TRAPPC11: variants seen among roughly 807,000 people sequenced by gnomAD.
TRAPPC11 encodes the protein foie gras homolog.
A neutral mutation model predicts 151.2 loss-of-function variants in TRAPPC11; 104 were observed. The observed-to-expected ratio is 0.69, with a 90% CI of 0.59 to 0.81. The LOEUF (loss-of-function observed/expected upper bound fraction) is 0.81. TRAPPC11 is among the 30% of genes least tolerant of loss of function. TRAPPC11 has a pLI of 0.00. For synonymous variants in TRAPPC11, 456 were observed against 472.3 expected (o/e 0.97, Z 0.45); for missense variants, 1,230 against 1,349.6 (o/e 0.91, Z 1.39).
chr4:183,669,990 T>A (rs144853475), intron 5 of TRAPPC11, among the ~76,000 whole-genome samples: 1 of 152,242 alleles, frequency 6.6e-6, no homozygotes, highest in Admixed American at 6.5e-5. Flanking sequence ...CTCCAGCATG[T>A]GGATACAAGA....
chr4:183,680,879 G>A (rs1297626516), intron 10 of TRAPPC11, among the ~76,000 whole-genome samples: 1 of 151,736 alleles, frequency 6.6e-6, no homozygotes, highest in Non-Finnish European at 1.5e-5. Flanking sequence ...TTTTAGTAGA[G>A]ATGGGGTTTC....
Position 183,707,254 on chromosome 4 carries a change from A to ATGTG in TRAPPC11, c.3189+339_3189+342dup, listed in dbSNP as rs10576583. Among the ~76,000 whole-genome samples the ATGTG allele has an allele frequency of 0.045, 6,640 of 148,636 alleles. 182 individuals are homozygous for ATGTG. Among genetic ancestry groups the ATGTG allele is most frequent in the Non-Finnish European group, 0.049 (3,270 of 67,064 alleles). The stretch of plus-strand genomic sequence containing the variant: ...TTATTACTGATGAGTGTGTGTGTTT[A>ATGTG]TGTGTGTGTGTGTGTGTGTGTGTGT... On this transcript the variant is annotated intron_variant, in intron 28 of 29. Transcript: ENST00000334690.
intron 17 of TRAPPC11, 89 bp from the exon 18 acceptor site, chr4:183,686,529 C>G: frequency 1.3e-6 from 2 of 1,496,182 alleles, no homozygotes; most frequent in Non-Finnish European, 1.8e-6. Flanking sequence ...GCAGATGTGT[C>G]TTTCTGAAGA....
At chr4:183,689,257 G>A (rs1490641056) in intron 18 of TRAPPC11, among the ~76,000 whole-genome samples, 21 of 152,206 alleles carry the variant, frequency 1.4e-4, no homozygotes, top group Admixed American at 1.4e-3. Flanking sequence ...AATCTGGATT[G>A]CCAAGTGCAT....
At chr4:183,661,478 T>A (rs890295273) in intron 1 of TRAPPC11, among the ~76,000 whole-genome samples, 1 of 147,610 alleles carries the variant, frequency 6.8e-6, no homozygotes, top group Non-Finnish European at 1.5e-5. Flanking sequence ...TTCACGCCAT[T>A]CTCCTGCCTC....
At chr4:183,678,645 A>C (rs1210843807) in intron 8 of TRAPPC11, among the ~76,000 whole-genome samples, 1 of 152,226 alleles carries the variant, frequency 6.6e-6, no homozygotes, top group African/African-American at 2.4e-5. Context: ...AGAAAGGCAT[A>C]CACATACTTA....
At chr4:183,685,937 G>C (rs796889759) in intron 17 of TRAPPC11, among the ~76,000 whole-genome samples, 1 of 152,094 alleles carries the variant, frequency 6.6e-6, no homozygotes, top group African/African-American at 2.4e-5. Context: ...AGGTTCAAGC[G>C]ATTCTCCTCC....
At chr4:183,677,027 A>T (rs1388862321) in intron 7 of TRAPPC11, among the ~76,000 whole-genome samples, 2 of 152,178 alleles carry the variant, frequency 1.3e-5, no homozygotes, top group Non-Finnish European at 2.9e-5. Flanking sequence ...AGCCTCTCAA[A>T]GTGCTGGGAT....
At chr4:183,705,499 C>A (rs1737010587) in intron 27 of TRAPPC11, among the ~76,000 whole-genome samples, 1 of 152,130 alleles carries the variant, frequency 6.6e-6, no homozygotes, top group South Asian at 2.1e-4. Context: ...TATAGGTAGG[C>A]AGCTAGGCTG....
intron 1 of TRAPPC11, among the ~76,000 whole-genome samples, chr4:183,659,775 C>G (rs971984133): frequency 4.6e-5 from 7 of 152,138 alleles, no homozygotes; most frequent in Non-Finnish European, 1.0e-4. Flanking sequence ...TCTTTAACAT[C>G]GAAACATCAT....
At chr4:183,675,533 T>A (rs575604697) in intron 7 of TRAPPC11, 1 of 174,202 alleles carries the variant, frequency 5.7e-6, no homozygotes, top group South Asian at 1.9e-4. Context: ...CTTTATTTTG[T>A]GTATACTCTG....
Position 183,684,616 on chromosome 4 carries a change from G to A in TRAPPC11, c.1422-80G>A, listed in dbSNP as rs1322333180. 2.1e-6 allele frequency: 3 copies of A among 1,439,836 alleles called. No homozygotes were observed. In the African/African-American group the frequency reaches 4.3e-5, roughly 21 times the overall value. The allele number at this position is 1,439,836 out of a possible 1,614,324, so 89.2% of individuals were successfully genotyped here. A position where few individuals can be genotyped will look rare whatever the true frequency, so the allele number is the denominator to read the frequency against. ...ATTTTTCTATACTTACATAAAATGA[G>A]GAAAGTATTTTTTTCTCCATGAACT... On this transcript the variant is annotated intron_variant, in intron 14 of 29. Transcript: ENST00000334690.
Position 183,693,918 on chromosome 4 carries a change from A to G in TRAPPC11, c.2388A>G (p.Gly796=), listed in dbSNP as rs151021715. The change falls in exon 22 of 30, where the codon GGA becomes GGG. Residue 796 remains glycine (G), a splice_region_variant and synonymous_variant. Coordinates refer to ENST00000334690, the MANE Select transcript of TRAPPC11 (RefSeq NM_021942.6). The part of the protein sequence containing the change: ...DVKLTAGLKP[G]QDANLTQKTH... Reference sequence around the variant, plus strand: ...AAGAACCAATATTAACTCTTTTAGGACAGGATGCCAATTTAACTCAGAAGA... The same window carrying G: ...AAGAACCAATATTAACTCTTTTAGGGCAGGATGCCAATTTAACTCAGAAGA... The G allele has an allele frequency of 1.2e-6, 2 of 1,613,294 alleles. No homozygotes were observed. The highest frequency in any genetic ancestry group is 1.3e-5 in the African/African-American group (1 of 74,920).
chr4:183,686,522 G>A, intron 17 of TRAPPC11, 96 bp from the exon 18 acceptor site: 1 of 1,425,834 alleles, frequency 7.0e-7, no homozygotes, highest in Non-Finnish European at 9.7e-7. Context: ...GGTCAGTGCA[G>A]ATGTGTCTTT....
At chr4:183,689,544 T>C (rs190579416) in intron 18 of TRAPPC11, among the ~76,000 whole-genome samples, 1 of 152,180 alleles carries the variant, frequency 6.6e-6, no homozygotes, top group Admixed American at 6.5e-5. Context: ...CTTACTGGAA[T>C]CTAAGCTCCA....
At chr4:183,706,024 A>G (rs1199631619) in intron 27 of TRAPPC11, 1 of 152,168 alleles carries the variant, frequency 6.6e-6, no homozygotes, top group East Asian at 1.9e-4. Context: ...GAAGCCTTCC[A>G]TGTTTTTGTA....
intron 10 of TRAPPC11, among the ~76,000 whole-genome samples, chr4:183,682,312 C>T (rs911371687): frequency 2.0e-5 from 3 of 152,110 alleles, no homozygotes; most frequent in African/African-American, 7.2e-5. Flanking sequence ...AAAATATTCC[C>T]CCACAATAGC....
intron 25 of TRAPPC11, chr4:183,701,079 G>GCTTGAGGAGTCTCAAACTC (rs1736778568): frequency 1.3e-5 from 2 of 152,374 alleles, no homozygotes; most frequent in South Asian, 4.1e-4. Context: ...AACTCCTGGA[G>GCTTGAGGAGTCTCAAACTC]CTCAAGCAGT....
At chr4:183,682,922 G>A in intron 11 of TRAPPC11, 97 bp downstream of exon 11, 1 of 811,648 alleles carries the variant, frequency 1.2e-6, no homozygotes, top group Non-Finnish European at 2.1e-6. Context: ...AAGAAATTAT[G>A]TTGAAGTAAA....
Sources: gnomAD v4.1 joint callset for allele counts (sites outside exome capture counted in the v4.1 genomes callset) on GRCh38, gnomAD v4.1.1 for gene constraint, MANE v1.5 for transcripts, NCBI Gene and HGNC (gene_info 2026-07-23, HGNC 2026-07-21) for gene names.